LOC122539214: variants seen among roughly 807,000 people sequenced by gnomAD.
the LOC122539214 span, among the ~76,000 whole-genome samples, chr19:52,659,703 A>C: frequency 1.3e-5 from 2 of 152,146 alleles, no homozygotes; most frequent in African/African-American, 4.8e-5. Flanking sequence ...AATGGCAAAA[A>C]TTTCTAATTT....
At chr19:52,653,155 T>C in the LOC122539214 span, 103 of 1,485,066 alleles carry the variant, frequency 6.9e-5, no homozygotes, top group African/African-American at 1.3e-3. Context: ...GTAAGGTTTT[T>C]CTCCGGTATG....
the LOC122539214 span, among the ~76,000 whole-genome samples, chr19:52,656,435 G>A: frequency 9.9e-5 from 15 of 152,232 alleles, no homozygotes; most frequent in Non-Finnish European, 1.2e-4. Flanking sequence ...CGAGGCAGGG[G>A]AATTGCTTCA....
chr19:52,679,789 G>C, the LOC122539214 span, among the ~76,000 whole-genome samples: 1 of 152,068 alleles, frequency 6.6e-6, no homozygotes, highest in African/African-American at 2.4e-5. Context: ...TGAATTTTCT[G>C]TTTTTATGCA....
chr19:52,687,633 G>GTATA, the LOC122539214 span, among the ~76,000 whole-genome samples: 1,299 of 27,810 alleles, frequency 0.047, 202 homozygotes, highest in Non-Finnish European at 0.054. Context: ...TATATATAAT[G>GTATA]TATATATATA....
chr19:52,690,235 C>T, the LOC122539214 span, among the ~76,000 whole-genome samples: 1 of 151,702 alleles, frequency 6.6e-6, no homozygotes, highest in East Asian at 1.9e-4. Flanking sequence ...TATACATTGC[C>T]CTAGAGCAGA....
the LOC122539214 span, among the ~76,000 whole-genome samples, chr19:52,689,306 C>G: frequency 6.6e-6 from 1 of 152,028 alleles, no homozygotes; most frequent in Non-Finnish European, 1.5e-5. Context: ...CTTCAGTTTC[C>G]CCTAACACAA....
chr19:52,674,746 T>C, the LOC122539214 span, among the ~76,000 whole-genome samples: 5 of 152,330 alleles, frequency 3.3e-5, no homozygotes, highest in Admixed American at 2.0e-4. Context: ...TCTATGAACA[T>C]TGATCAAAAT....
At chr19:52,658,429 G>A in the LOC122539214 span, among the ~76,000 whole-genome samples, 1 of 152,114 alleles carries the variant, frequency 6.6e-6, no homozygotes, top group African/African-American at 2.4e-5. Flanking sequence ...AGCCAGGTGT[G>A]GTGGTGCGCA....
the LOC122539214 span, among the ~76,000 whole-genome samples, chr19:52,679,744 A>G: frequency 6.6e-6 from 1 of 152,192 alleles, no homozygotes; most frequent in African/African-American, 2.4e-5. Context: ...CTAGAGCAGG[A>G]TGATGTTCAA....
chr19:52,689,382 G>A, the LOC122539214 span, among the ~76,000 whole-genome samples: 5 of 148,928 alleles, frequency 3.4e-5, no homozygotes, highest in African/African-American at 1.2e-4. Context: ...TCTCTTCCCT[G>A]TTATACCCTC....
the LOC122539214 span, among the ~76,000 whole-genome samples, chr19:52,684,246 A>G: frequency 4.6e-5 from 7 of 152,084 alleles, no homozygotes; most frequent in Non-Finnish European, 1.0e-4. Flanking sequence ...GGCATCTGTA[A>G]TCCCAGCTAC....
chr19:52,655,289 A>G, the LOC122539214 span: 2 of 326,970 alleles, frequency 6.1e-6, no homozygotes, highest in Non-Finnish European at 1.1e-5. Context: ...AATTCTGCTC[A>G]GGGCTACCAG....
the LOC122539214 span, among the ~76,000 whole-genome samples, chr19:52,683,583 A>G: frequency 0.11 from 17,341 of 150,962 alleles, 1,307 homozygotes; most frequent in Non-Finnish European, 0.16. Flanking sequence ...TGTGCAGAGC[A>G]TGGAAGACCT....
the LOC122539214 span, among the ~76,000 whole-genome samples, chr19:52,686,236 A>G: frequency 6.6e-6 from 1 of 152,106 alleles, no homozygotes; most frequent in African/African-American, 2.4e-5. Context: ...TCTGAACTGG[A>G]TGCAACTAAT....
chr19:52,666,163 C>CAAA, the LOC122539214 span, among the ~76,000 whole-genome samples: 11 of 102,330 alleles, frequency 1.1e-4, no homozygotes, highest in African/African-American at 3.5e-4. Flanking sequence ...GACTCCATCT[C>CAAA]AAAAAAAAAA....
the LOC122539214 span, among the ~76,000 whole-genome samples, chr19:52,662,112 G>T: frequency 1.3e-3 from 200 of 152,248 alleles, 1 homozygote; most frequent in African/African-American, 4.4e-3. Flanking sequence ...CACTTCAAAA[G>T]AATTTTGGAA....
chr19:52,664,179 G>C, the LOC122539214 span, among the ~76,000 whole-genome samples: 1 of 115,458 alleles, frequency 8.7e-6, no homozygotes, highest in African/African-American at 3.2e-5. Flanking sequence ...CACTGCACCA[G>C]GCCTATTTTT....
the LOC122539214 span, among the ~76,000 whole-genome samples, chr19:52,688,021 A>G: frequency 6.6e-6 from 1 of 152,090 alleles, no homozygotes; most frequent in African/African-American, 2.4e-5. Context: ...CAGAATGTAC[A>G]TGTCTCATAG....
At chr19:52,664,635 TG>T in the LOC122539214 span, among the ~76,000 whole-genome samples, 1 of 150,238 alleles carries the variant, frequency 6.7e-6, no homozygotes, top group Non-Finnish European at 1.5e-5. Context: ...AAGCCAGGAC[TG>T]GGGGGTGGAA....
Sources: gnomAD v4.1 joint callset for allele counts (sites outside exome capture counted in the v4.1 genomes callset) on GRCh38, gnomAD v4.1.1 for gene constraint, MANE v1.5 for transcripts.